DNM1L: variants seen among roughly 807,000 people sequenced by gnomAD.
DNM1L encodes the protein dynamin 1L, also known as dynamin-1-like protein.
A neutral mutation model predicts 92.8 loss-of-function variants in DNM1L; 33 were observed. The observed-to-expected ratio is 0.36, with a 90% CI of 0.27 to 0.48. DNM1L has a LOEUF of 0.48. Among genes scored for constraint, DNM1L ranks in the 20% least tolerant of loss-of-function variants. DNM1L has a pLI of 0.99. For synonymous variants in DNM1L, 284 were observed against 305.0 expected (o/e 0.93, Z 0.72); for missense variants, 485 against 888.8 (o/e 0.55, Z 5.78).
Position 32,731,806 on chromosome 12 carries a change from A to T in DNM1L, c.1357-48A>T, listed in dbSNP as rs2137526551. The T allele has an allele frequency of 6.5e-7, 1 of 1,542,640 alleles. No individual in the cohort carries two copies. The highest frequency in any genetic ancestry group is 1.1e-5 in the South Asian group (1 of 89,354). The stretch of plus-strand genomic sequence containing the variant: ...ATGGCTTAGTGAGACTATGACTTAA[A>T]AAAAAAACAAAAAACAAACACGTTT... On this transcript the variant is annotated intron_variant, in intron 11 of 19. Transcript: ENST00000549701. This position sits in a 1 kb window ranked among gnomAD's most constrained non-coding sequence, Gnocchi z 5.1.
intron 1 of DNM1L, among the ~76,000 whole-genome samples, chr12:32,683,839 G>A (rs1252736487): frequency 1.3e-5 from 2 of 151,900 alleles, no homozygotes; most frequent in African/African-American, 4.8e-5. Flanking sequence ...CACTGTGCTC[G>A]GCCTAATTTT....
chr12:32,731,818 A>AAAC lies in DNM1L; in HGVS notation c.1357-33_1357-31dup. The AAAC allele has an allele frequency of 6.3e-7, 1 of 1,578,872 alleles. No individual in the cohort carries two copies. Among genetic ancestry groups the AAAC allele is most frequent in the Non-Finnish European group, 8.7e-7 (1 of 1,148,600 alleles). ...GACTATGACTTAAAAAAAAAACAAA[A>AAAC]AACAAACACGTTTTTCTTTCATCTA... is the stretch of plus-strand genomic sequence containing the variant. On this transcript the variant is annotated intron_variant, in intron 11 of 19. Transcript: ENST00000549701. This position sits in a 1 kb window ranked among gnomAD's most constrained non-coding sequence, Gnocchi z 5.1.
chr12:32,685,733 C>CTT (rs149876175), intron 1 of DNM1L, among the ~76,000 whole-genome samples: 1 of 149,594 alleles, frequency 6.7e-6, no homozygotes, highest in Non-Finnish European at 1.5e-5. Context: ...TTGTTGTTAT[C>CTT]TTTTTTTTTT....
chr12:32,712,649 CAAAAAAAAA>C (rs59906286), intron 5 of DNM1L, among the ~76,000 whole-genome samples: 4 of 29,792 alleles, frequency 1.3e-4, no homozygotes, highest in South Asian at 1.7e-3. Flanking sequence ...GACCCTGTCT[CAAAAAAAAA>C]AAAAAAAAAA....
rs1002855910 is a variant in DNM1L at position 32,686,048 on chromosome 12, T to C, written c.102+6583T>C. 1.3e-3 allele frequency among the ~76,000 whole-genome samples: 181 copies of C among 142,236 alleles called. 1 individual carries two copies. Among genetic ancestry groups the C allele is most frequent in the Non-Finnish European group, 1.7e-3 (110 of 65,432 alleles). The allele number at this position is 142,236 out of a possible 152,430, so 93.3% of individuals were successfully genotyped here. On this transcript the variant is annotated intron_variant, in intron 1 of 19. Coordinates refer to ENST00000549701, the MANE Select transcript of DNM1L (RefSeq NM_012062.5). ...ATTTGCAGAACATAAAATTAGCCTTTTTTTTTTTTTTTTTTTTTTGAGATG... is the reference window on the plus strand; with the variant it reads ...ATTTGCAGAACATAAAATTAGCCTTCTTTTTTTTTTTTTTTTTTTGAGATG...
chr12:32,701,403 T>C lies in DNM1L; in HGVS notation c.103-12T>C, dbSNP rs1242190809. ...GAAACTCATTTTGCTCTTGTATATATTCTGTTTTCAGAGCAGCGGAAAGAG... is the reference window on the plus strand; with the variant it reads ...GAAACTCATTTTGCTCTTGTATATACTCTGTTTTCAGAGCAGCGGAAAGAG... On this transcript the variant is annotated splice_polypyrimidine_tract_variant and intron_variant, in intron 1 of 19. Coordinates refer to ENST00000549701, the MANE Select transcript of DNM1L (RefSeq NM_012062.5). 6.2e-7 allele frequency: 1 copy of C among 1,613,206 alleles called. No individual in the cohort carries two copies. The highest frequency in any genetic ancestry group is 2.2e-5 in the East Asian group (1 of 44,880).
At chr12:32,704,126 C>T (rs560501133) in intron 2 of DNM1L, among the ~76,000 whole-genome samples, 23 of 151,034 alleles carry the variant, frequency 1.5e-4, no homozygotes, top group African/African-American at 5.6e-4. Flanking sequence ...GATTAAAGGC[C>T]AAAATTGTGC....
intron 2 of DNM1L, among the ~76,000 whole-genome samples, chr12:32,702,033 A>G (rs888378156): frequency 1.3e-5 from 2 of 149,012 alleles, no homozygotes; most frequent in Admixed American, 1.3e-4. Flanking sequence ...CAGAAGTTCG[A>G]GACCAGCCTG....
chr12:32,716,823 T>C (rs1182151627), intron 6 of DNM1L, among the ~76,000 whole-genome samples: 2 of 147,472 alleles, frequency 1.4e-5, no homozygotes, highest in Non-Finnish European at 3.0e-5. Flanking sequence ...GAGTTGTTTC[T>C]AGTTTTTGAA....
intron 1 of DNM1L, among the ~76,000 whole-genome samples, chr12:32,693,823 A>G (rs1029227668): frequency 1.3e-5 from 2 of 152,078 alleles, no homozygotes; most frequent in Non-Finnish European, 2.9e-5. Context: ...TTTTTTGTAA[A>G]GATGAGGTTT....
Position 32,740,400 on chromosome 12 carries a change from C to A in DNM1L, c.1885-9C>A, listed in dbSNP as rs770940827. 13 of 1,613,240 alleles carry A rather than the reference C, an allele frequency of 8.1e-6. No individual in the cohort carries two copies. Among genetic ancestry groups the A allele is most frequent in the Non-Finnish European group, 1.1e-5 (13 of 1,179,342 alleles). On this transcript the variant is annotated splice_polypyrimidine_tract_variant and intron_variant, in intron 17 of 19. Transcript: ENST00000549701. ...AAAGTAATATTTTTTCCCCCTCATC[C>A]CTATTTAGCCAGTTCCTGTTGCACG...
At chr12:32,732,551 T>G in intron 12 of DNM1L, 1 of 456,030 alleles carries the variant, frequency 2.2e-6, no homozygotes, top group Non-Finnish European at 4.4e-6. Flanking sequence ...ATTTGGGTCC[T>G]TGGCTCAGGA....
At chr12:32,704,356 C>A (rs1952833837) in intron 2 of DNM1L, among the ~76,000 whole-genome samples, 2 of 151,964 alleles carry the variant, frequency 1.3e-5, no homozygotes, top group Non-Finnish European at 2.9e-5. Flanking sequence ...TCGAGACCAG[C>A]CTGGCCAACG....
At chr12:32,703,222 A>C (rs1304251696) in intron 2 of DNM1L, among the ~76,000 whole-genome samples, 2 of 152,048 alleles carry the variant, frequency 1.3e-5, no homozygotes, top group Non-Finnish European at 2.9e-5. Context: ...GCTCTTTGGT[A>C]TCTCTTTGTT....
chr12:32,726,447 TCTC>T (rs1954147459), intron 9 of DNM1L: 1 of 1,345,398 alleles, frequency 7.4e-7, no homozygotes, highest in Non-Finnish European at 1.1e-6. Flanking sequence ...ATTTTCCTCA[TCTC>T]CTTTGTCCTC....
At chr12:32,688,937 C>T (rs1466217193) in intron 1 of DNM1L, among the ~76,000 whole-genome samples, 1 of 152,090 alleles carries the variant, frequency 6.6e-6, no homozygotes, top group African/African-American at 2.4e-5. Flanking sequence ...GTGGCCTGTG[C>T]CTGTAGTCCC....
chr12:32,703,991 A>G (rs1952817832), intron 2 of DNM1L, among the ~76,000 whole-genome samples: 1 of 152,172 alleles, frequency 6.6e-6, no homozygotes, highest in Non-Finnish European at 1.5e-5. Context: ...ATACTAAACT[A>G]TGTTTTAGAG....
chr12:32,744,733 AC>A lies in DNM1L; in HGVS notation c.*1324del. 2.7e-6 allele frequency: 1 copy of A among 370,238 alleles called. No individual in the cohort carries two copies. Among genetic ancestry groups the A allele is most frequent in the East Asian group, 8.2e-5 (1 of 12,170 alleles). 22.9% of individuals were successfully genotyped at this position (370,238 alleles called of 1,614,324 possible). ...CGTCTCAAAAAAAAAAAATAAAACA[AC>A]ACCCAGATAGATACACATACTCCTT... On this transcript the variant is annotated 3_prime_UTR_variant, in exon 20 of 20. Transcript: ENST00000549701.
Position 32,679,403 on chromosome 12 carries a change from G to T in DNM1L, c.40G>T (p.Val14Phe). 6.2e-7 allele frequency: 1 copy of T among 1,613,808 alleles called. No individual in the cohort carries two copies. Among genetic ancestry groups the T allele is most frequent in the Non-Finnish European group, 8.5e-7 (1 of 1,179,930 alleles). The change falls in exon 1 of 20, where the codon GTC (valine) becomes TTC (phenylalanine). Residue 14 changes from valine (V) to phenylalanine (F), a missense_variant. Around this residue, in one of 11 missense-constraint regions of DNM1L, gnomAD observed 19 missense variants for 16.1 expected, o/e 1.18. Transcript: ENST00000549701. ...TCCTGTCATAAACAAGCTCCAGGACGTCTTCAACACGGTGGGCGCCGACAT... is the reference window on the plus strand; with the variant it reads ...TCCTGTCATAAACAAGCTCCAGGACTTCTTCAACACGGTGGGCGCCGACAT... ...LIPVINKLQD[V>F]FNTVGADIIQ...
Sources: gnomAD v4.1 joint callset for allele counts (sites outside exome capture counted in the v4.1 genomes callset) on GRCh38, gnomAD v4.1.1 for gene constraint, gnomAD v4.1.1 regional missense constraint, Gnocchi (gnomAD v3.1) non-coding constraint, MANE v1.5 for transcripts, NCBI Gene and HGNC (gene_info 2026-07-23, HGNC 2026-07-21) for gene names.